CMTM4: variants seen among roughly 807,000 people sequenced by gnomAD.
The protein encoded by CMTM4 is CKLF-like MARVEL transmembrane domain-containing protein 4.
Under a neutral mutation model 19.0 loss-of-function variants are expected in CMTM4, and 8 were observed. The observed-to-expected ratio is 0.42, with a 90% confidence interval of 0.25 to 0.76. The LOEUF (loss-of-function observed/expected upper bound fraction) is 0.76. Among genes scored for constraint, CMTM4 ranks in the 30% least tolerant of loss-of-function variants. The pLI is 0.27. For synonymous variants in CMTM4, 106 were observed against 121.1 expected (o/e 0.88, Z 0.82); for missense variants, 228 against 290.2 (o/e 0.79, Z 1.56).
At chr16:66,658,190 A>C (rs2016432890) in intron 1 of CMTM4, among the ~76,000 whole-genome samples, 1 of 150,984 alleles carries the variant, frequency 6.6e-6, no homozygotes, top group Admixed American at 6.6e-5. Flanking sequence ...TGATTGAGAG[A>C]AAGCAAAGAA....
intron 1 of CMTM4, among the ~76,000 whole-genome samples, chr16:66,693,314 G>C (rs566097327): frequency 6.6e-6 from 1 of 152,166 alleles, no homozygotes; most frequent in Admixed American, 6.5e-5. Flanking sequence ...TGGCTACTCC[G>C]AGGCACCATA....
At chr16:66,636,364 C>T in intron 2 of CMTM4, 41 bp downstream of exon 2, 3 of 1,559,978 alleles carry the variant, frequency 1.9e-6, no homozygotes, top group Non-Finnish European at 2.6e-6. Flanking sequence ...AGCCAACAGG[C>T]ACGTGATCCT....
At chr16:66,612,581 C>T, downstream of CMTM4, 1 of 1,613,476 alleles carries the variant, frequency 6.2e-7, no homozygotes, top group Non-Finnish European at 8.5e-7. The surrounding 1 kb of genome is among the most constrained non-coding windows in gnomAD (Gnocchi z 6.0). Flanking sequence ...GAGCCTCCTG[C>T]CAAGCATCCT....
At chr16:66,683,146 T>TATATATACGTATATATATAC (rs1341520062) in intron 1 of CMTM4, among the ~76,000 whole-genome samples, 2 of 123,736 alleles carry the variant, frequency 1.6e-5, no homozygotes, top group African/African-American at 6.3e-5. Context: ...TATATATATA[T>TATATATACGTATATATATAC]GTATATATAT....
intron 1 of CMTM4, among the ~76,000 whole-genome samples, chr16:66,693,747 G>A (rs1328461437): frequency 6.6e-6 from 1 of 152,146 alleles, no homozygotes; most frequent in Admixed American, 6.6e-5. Flanking sequence ...TAGGCCAGGC[G>A]TGGTGGCTCA....
At chr16:66,628,825 T>C (rs2015795348) in intron 2 of CMTM4, among the ~76,000 whole-genome samples, 1 of 152,250 alleles carries the variant, frequency 6.6e-6, no homozygotes, top group Non-Finnish European at 1.5e-5. Flanking sequence ...TAATATTCCA[T>C]TGTATAGATA....
chr16:66,648,330 G>A (rs914997173), intron 1 of CMTM4, among the ~76,000 whole-genome samples: 3 of 152,168 alleles, frequency 2.0e-5, no homozygotes, highest in African/African-American at 7.2e-5. Flanking sequence ...TACGAGGATG[G>A]TGCCTTCATC....
chr16:66,685,869 TC>T lies in CMTM4; in HGVS notation c.186+10470del, dbSNP rs562878869. ...CACGTTACCCAGGCTGGTCTCGAACTCCTGAGCTCAGGCAATCTGTCCACCT... is the reference window on the plus strand; with the variant it reads ...CACGTTACCCAGGCTGGTCTCGAACTCTGAGCTCAGGCAATCTGTCCACCT... On this transcript the variant is annotated intron_variant, in intron 1 of 3. Transcript: ENST00000394106. 5.3e-5 allele frequency among the ~76,000 whole-genome samples: 8 copies of T among 152,230 alleles called. No individual in the cohort carries two copies. In the South Asian group the frequency reaches 1.7e-3, roughly 32 times the overall value.
intron 1 of CMTM4, among the ~76,000 whole-genome samples, chr16:66,680,948 C>T (rs1035619409): frequency 1.3e-5 from 2 of 152,158 alleles, no homozygotes; most frequent in African/African-American, 4.8e-5. Context: ...TAATCTCACC[C>T]TTCTCAAAGC....
intron 1 of CMTM4, among the ~76,000 whole-genome samples, chr16:66,671,311 G>A (rs1449774100): frequency 2.0e-5 from 3 of 152,176 alleles, no homozygotes; most frequent in East Asian, 1.9e-4. Flanking sequence ...TCAGGCAAGC[G>A]GCACGGGTGG....
In CMTM4 at chr16:66,696,273, G is replaced by A. The variant is rs1270333770; in HGVS notation, c.186+67C>T. Reference sequence around the variant, plus strand: ...GCGGGTACGCGGCGGAGGCCCCGCAGCGGGGCGGGGAGGGAGGCGTGCGGC... The same window carrying A: ...GCGGGTACGCGGCGGAGGCCCCGCAACGGGGCGGGGAGGGAGGCGTGCGGC... On this transcript the variant is annotated intron_variant, in intron 1 of 3. Coordinates refer to ENST00000394106, the MANE Select transcript of CMTM4 (RefSeq NM_181521.3). This position sits in a 1 kb window ranked among gnomAD's most constrained non-coding sequence, Gnocchi z 4.3. The A allele has an allele frequency of 1.8e-6, 2 of 1,137,374 alleles. No individual in the cohort carries two copies. Among genetic ancestry groups the A allele is most frequent in the African/African-American group, 1.6e-5 (1 of 61,232 alleles). 70.5% of individuals were successfully genotyped at this position (1,137,374 alleles called of 1,614,324 possible).
At position 66,696,553 on chromosome 16, in the gene CMTM4, G is replaced by A. The variant is rs2017241141; in HGVS notation, c.-28C>T. 8.6e-7 allele frequency: 1 copy of A among 1,165,510 alleles called. No homozygotes were observed. Among genetic ancestry groups the A allele is most frequent in the East Asian group, 3.8e-5 (1 of 26,084 alleles). 72.2% of individuals were successfully genotyped at this position (1,165,510 alleles called of 1,614,324 possible). ...TGCCGCCCGGCCCGGGCCGCCTCGC[G>A]CGGCTGGCTCCCGGCGCCAGGAGCG... On this transcript the variant is annotated 5_prime_UTR_variant, in exon 1 of 4. Transcript: ENST00000394106. This position sits in a 1 kb window ranked among gnomAD's most constrained non-coding sequence, Gnocchi z 4.3.
intron 1 of CMTM4, among the ~76,000 whole-genome samples, chr16:66,684,980 A>T (rs1046288515): frequency 6.6e-6 from 1 of 152,146 alleles, no homozygotes; most frequent in African/African-American, 2.4e-5. Context: ...CTCACCCTGC[A>T]TGTTACTTCT....
At chr16:66,636,774 T>G (rs192122745) in intron 1 of CMTM4, among the ~76,000 whole-genome samples, 193 bp from the exon 2 acceptor site, 1 of 152,316 alleles carries the variant, frequency 6.6e-6, no homozygotes, top group Admixed American at 6.5e-5. Context: ...GGGGTCTTAA[T>G]GGAAGGATCA....
chr16:66,635,419 G>A (rs1436585820), intron 2 of CMTM4, among the ~76,000 whole-genome samples: 1 of 152,170 alleles, frequency 6.6e-6, no homozygotes, highest in African/African-American at 2.4e-5. Context: ...CACCTGTAAG[G>A]AGGACCTTCC....
At chr16:66,667,988 GT>G (rs1314366894) in intron 1 of CMTM4, among the ~76,000 whole-genome samples, 2 of 151,748 alleles carry the variant, frequency 1.3e-5, no homozygotes, top group East Asian at 1.9e-4. Flanking sequence ...TTTTTTGTGA[GT>G]TTTTTGTTTG....
intron 1 of CMTM4, among the ~76,000 whole-genome samples, chr16:66,683,176 C>CGTATATAT (rs1555502512): frequency 4.7e-5 from 5 of 106,004 alleles, no homozygotes; most frequent in South Asian, 6.6e-4. Flanking sequence ...TATATATATA[C>CGTATATAT]ATATGTATAT....
chr16:66,607,252 C>T, the CMTM4 span, among the ~76,000 whole-genome samples: 1 of 152,232 alleles, frequency 6.6e-6, no homozygotes, highest in Non-Finnish European at 1.5e-5. Context: ...TCAACATCCT[C>T]CTGCATCAGC....
intron 1 of CMTM4, among the ~76,000 whole-genome samples, chr16:66,667,618 G>A (rs900704433): frequency 2.0e-5 from 3 of 152,060 alleles, no homozygotes; most frequent in Admixed American, 6.6e-5. Context: ...GGCCGAGTGC[G>A]GTGGCTCATG....
Sources: allele counts gnomAD v4.1 joint callset (sites outside exome capture counted in the v4.1 genomes callset), GRCh38; gene constraint gnomAD v4.1.1; non-coding constraint Gnocchi (gnomAD v3.1); transcripts MANE v1.5; gene names NCBI Gene and HGNC (gene_info 2026-07-23, HGNC 2026-07-21).